The following STX8 variants were observed in gnomAD, a reference collection of about 807,000 sequenced individuals.
STX8 encodes the protein syntaxin-8.
In STX8, 23 loss-of-function variants were observed where a neutral mutation model predicts 37.5. The ratio of observed to expected loss-of-function variants is 0.61; its 90% CI spans 0.44 to 0.87. The LOEUF (loss-of-function observed/expected upper bound fraction) is 0.87. Ranked by LOEUF, STX8 falls within the 40% of genes least tolerant of loss-of-function variation. STX8 has a pLI of 0.00. For synonymous variants in STX8, 115 were observed against 99.1 expected (o/e 1.16, Z -0.95); for missense variants, 313 against 284.7 (o/e 1.10, Z -0.71).
intron 4 of STX8, among the ~76,000 whole-genome samples, chr17:9,524,561 T>TA (rs1224861730): frequency 6.6e-6 from 1 of 152,134 alleles, no homozygotes; most frequent in African/African-American, 2.4e-5. Flanking sequence ...GGTTCTAACA[T>TA]ATGAATCTTG....
intron 7 of STX8, among the ~76,000 whole-genome samples, chr17:9,366,442 G>C (rs1220197755): frequency 6.6e-6 from 1 of 152,168 alleles, no homozygotes. Flanking sequence ...ATGTTGGCCA[G>C]GCTGGTCTTG....
intron 7 of STX8, among the ~76,000 whole-genome samples, chr17:9,320,327 C>T (rs1015409984): frequency 3.8e-4 from 52 of 135,576 alleles, no homozygotes; most frequent in African/African-American, 1.4e-3. Flanking sequence ...AGCAAGACTC[C>T]ATCTCAAAAA....
chr17:9,369,002 C>T (rs893598834), intron 7 of STX8, among the ~76,000 whole-genome samples: 1 of 151,690 alleles, frequency 6.6e-6, no homozygotes, highest in Non-Finnish European at 1.5e-5. Context: ...CTCACCGCAA[C>T]GTTGAACTCC....
At chr17:9,505,185 T>A in intron 4 of STX8, 23 bp from the exon 5 acceptor site, 2 of 1,595,052 alleles carry the variant, frequency 1.3e-6, no homozygotes, top group Middle Eastern at 1.7e-4. Flanking sequence ...ATTAAATGCA[T>A]GATATATCTC....
intron 7 of STX8, among the ~76,000 whole-genome samples, chr17:9,278,774 G>C (rs567040772): frequency 2.0e-4 from 31 of 152,180 alleles, no homozygotes; most frequent in East Asian, 7.8e-4. Flanking sequence ...GGGAGGCGGA[G>C]AGCAGGGGAG....
rs533088211 is a variant in STX8 at position 9,374,843 on chromosome 17, C to T, written c.643+3709G>A. Among the ~76,000 whole-genome samples the T allele has an allele frequency of 2.6e-5, 4 of 152,144 alleles. No homozygotes were observed. The East Asian group carries it at 7.7e-4, about 29-fold the overall frequency. ...CTTTGGGAGGCTAAGGTGGGCAGAT[C>T]ACCTGAGGTCAGGAGTTTGAGACCA... On this transcript the variant is annotated intron_variant, in intron 7 of 7. Transcript: ENST00000306357.
In STX8 at chr17:9,360,227, C is replaced by CTTTTTTTTTT. The variant is rs58213453; in HGVS notation, c.643+18315_643+18324dup. Among the ~76,000 whole-genome samples the CTTTTTTTTTT allele has an allele frequency of 5.9e-4, 43 of 72,610 alleles. 1 individual carries two copies. Among genetic ancestry groups the CTTTTTTTTTT allele is most frequent in the African/African-American group, 2.1e-3 (40 of 18,702 alleles). The allele number at this position is 72,610 out of a possible 152,430, so 47.6% of individuals were successfully genotyped here. A position where few individuals can be genotyped will look rare whatever the true frequency, so the allele number is the denominator to read the frequency against. On this transcript the variant is annotated intron_variant, in intron 7 of 7. Coordinates refer to ENST00000306357, the MANE Select transcript of STX8 (RefSeq NM_004853.3). ...ATACATATAATGTAAAATTAACCGT[C>CTTTTTTTTTT]TTTTTTTTTTTTTTTTTTTTTTTTG...
At chr17:9,301,608 G>A (rs948167531) in intron 7 of STX8, among the ~76,000 whole-genome samples, 1 of 151,288 alleles carries the variant, frequency 6.6e-6, no homozygotes. Context: ...TCAGCCTCCC[G>A]AGTAGCTGGG....
At chr17:9,315,581 T>G (rs1909356353) in intron 7 of STX8, among the ~76,000 whole-genome samples, 1 of 152,200 alleles carries the variant, frequency 6.6e-6, no homozygotes, top group Non-Finnish European at 1.5e-5. Context: ...TATTCATAAC[T>G]CCTATAACAT....
intron 7 of STX8, among the ~76,000 whole-genome samples, chr17:9,333,963 A>T (rs1910054833): frequency 6.6e-6 from 1 of 152,166 alleles, no homozygotes; most frequent in Non-Finnish European, 1.5e-5. Flanking sequence ...GCTGAGCAGG[A>T]GACTGGAGTT....
intron 7 of STX8, among the ~76,000 whole-genome samples, chr17:9,370,278 G>A (rs1911363129): frequency 1.3e-5 from 2 of 152,154 alleles, no homozygotes; most frequent in Admixed American, 1.3e-4. Context: ...GGACTCACTA[G>A]TACTAGTCAT....
At chr17:9,446,404 C>T (rs1904853635) in intron 6 of STX8, among the ~76,000 whole-genome samples, 1 of 152,132 alleles carries the variant, frequency 6.6e-6, no homozygotes, top group South Asian at 2.1e-4. Context: ...TGAAGAAATA[C>T]AAACATAACT....
At chr17:9,331,055 GA>G (rs1909946861) in intron 7 of STX8, among the ~76,000 whole-genome samples, 1 of 152,158 alleles carries the variant, frequency 6.6e-6, no homozygotes, top group Non-Finnish European at 1.5e-5. Context: ...TATAAAACAG[GA>G]AACAAAGGGA....
At chr17:9,437,924 T>C (rs1904491553) in intron 6 of STX8, 1 of 152,144 alleles carries the variant, frequency 6.6e-6, no homozygotes. Context: ...AACTGGTACT[T>C]ATTCTGGCCT....
chr17:9,456,107 C>T lies in STX8; in HGVS notation c.541+35722G>A, dbSNP rs146226423. Among the ~76,000 whole-genome samples the T allele has an allele frequency of 8.9e-4, 135 of 152,134 alleles. 2 individuals are homozygous for T. The highest frequency in any genetic ancestry group is 3.4e-3 in the Middle Eastern group (1 of 294). ...ATCAGGGCTGTTAAGCTTTTAAATA[C>T]GCCACCCTCAGAGAAGGCCCTCACT... On this transcript the variant is annotated intron_variant, in intron 6 of 7. Coordinates refer to ENST00000306357, the MANE Select transcript of STX8 (RefSeq NM_004853.3).
At chr17:9,347,826 G>A (rs4552059) in intron 7 of STX8, among the ~76,000 whole-genome samples, 150,938 of 152,374 alleles carry the variant, frequency 0.99, 74,769 homozygotes, top group Middle Eastern at 1. Context: ...GGCAATCACT[G>A]ATCAGCTTTC....
At chr17:9,455,848 C>A (rs1214680408) in intron 6 of STX8, among the ~76,000 whole-genome samples, 1 of 152,150 alleles carries the variant, frequency 6.6e-6, no homozygotes, top group African/African-American at 2.4e-5. Context: ...AAAATTATTT[C>A]TAAAACTTTA....
At chr17:9,569,950 A>C (rs567416313) in intron 1 of STX8, 4 of 152,268 alleles carry the variant, frequency 2.6e-5, no homozygotes, top group Admixed American at 2.6e-4. Flanking sequence ...CATCTCAAAA[A>C]AACAAACGAA....
chr17:9,495,823 G>C (rs991564312), intron 5 of STX8, among the ~76,000 whole-genome samples: 1 of 152,218 alleles, frequency 6.6e-6, no homozygotes, highest in Non-Finnish European at 1.5e-5. Flanking sequence ...GCATTTCTAA[G>C]GGGAAGGTGG....
Sources: gnomAD v4.1 joint callset for allele counts (sites outside exome capture counted in the v4.1 genomes callset) on GRCh38, gnomAD v4.1.1 for gene constraint, MANE v1.5 for transcripts, NCBI Gene and HGNC (gene_info 2026-07-23, HGNC 2026-07-21) for gene names.